Variants in WWOX observed in about 807,000 individuals in gnomAD.
WWOX encodes WW domain containing oxidoreductase.
WWOX carries 69 observed loss-of-function variants against 46.2 expected under a neutral mutation model. The ratio of observed to expected loss-of-function variants is 1.49; its 90% CI spans 1.23 to 1.82. The LOEUF is 1.82. Among genes scored for constraint, WWOX ranks in the 40% most tolerant of loss-of-function variants. The pLI, the probability that WWOX is intolerant of heterozygous loss-of-function variation, is 0.00. For synonymous variants in WWOX, 359 were observed against 202.6 expected, an observed-to-expected ratio of 1.77 and a Z score of -6.56; for missense variants, 919 against 542.6, an observed-to-expected ratio of 1.69 and a Z score of -6.89.
intron 8 of WWOX, among the ~76,000 whole-genome samples, chr16:78,782,226 G>A (rs1173361561): frequency 6.6e-6 from 1 of 152,090 alleles, no homozygotes; most frequent in Non-Finnish European, 1.5e-5. Flanking sequence ...TGACCCCACT[G>A]GACTTCTCTG....
At chr16:78,750,439 T>C (rs2142447555) in intron 8 of WWOX, among the ~76,000 whole-genome samples, 1 of 152,350 alleles carries the variant, frequency 6.6e-6, no homozygotes. Context: ...ACAGTGCTGT[T>C]TCATTTATTT....
chr16:78,332,460 C>G (rs1354371338), intron 5 of WWOX, among the ~76,000 whole-genome samples: 4 of 152,158 alleles, frequency 2.6e-5, no homozygotes, highest in South Asian at 2.1e-4. Flanking sequence ...AATTCCTGCA[C>G]TAACAAGGTA....
intron 8 of WWOX, among the ~76,000 whole-genome samples, chr16:79,013,857 C>T (rs1027560348): frequency 4.6e-5 from 7 of 152,154 alleles, no homozygotes; most frequent in South Asian, 2.1e-4. Context: ...TCTCGCTCTG[C>T]CGCCCTCCCA....
intron 8 of WWOX, among the ~76,000 whole-genome samples, chr16:78,820,865 C>G (rs1022987634): frequency 8.5e-5 from 13 of 152,124 alleles, no homozygotes; most frequent in African/African-American, 3.1e-4. Flanking sequence ...GCTGGCAATT[C>G]TTGATGTCCC....
intron 8 of WWOX, among the ~76,000 whole-genome samples, chr16:78,947,015 CTT>C (rs2045962182): frequency 6.6e-6 from 1 of 150,914 alleles, no homozygotes; most frequent in African/African-American, 2.4e-5. Flanking sequence ...CCCCCTCAGT[CTT>C]GTCTCTGCCT....
chr16:78,170,222 A>C (rs561892559), intron 5 of WWOX, among the ~76,000 whole-genome samples: 1 of 152,308 alleles, frequency 6.6e-6, no homozygotes. Context: ...GCTGTATTAT[A>C]GTGGCAAAGA....
intron 8 of WWOX, among the ~76,000 whole-genome samples, chr16:78,893,587 A>T (rs1196195877): frequency 1.3e-5 from 2 of 152,076 alleles, no homozygotes; most frequent in Non-Finnish European, 2.9e-5. Context: ...CATGGCTGCC[A>T]TTTTAATTTT....
chr16:79,091,652 A>T (rs767973427), intron 8 of WWOX, among the ~76,000 whole-genome samples: 1 of 152,140 alleles, frequency 6.6e-6, no homozygotes, highest in Non-Finnish European at 1.5e-5. Context: ...AGAAGCTCCT[A>T]CTGACTCAAG....
At position 78,318,566 on chromosome 16, in the gene WWOX, C is replaced by T. The variant is rs542734523; in HGVS notation, c.517-68294C>T. ...ATTTAGGCACACAGTACTTGGATTC[C>T]AGTAGCTTTGGATAAATTAATAAAA... On this transcript the variant is annotated intron_variant, in intron 5 of 8. Transcript: ENST00000566780. Among the ~76,000 whole-genome samples, 7 of 152,070 alleles carry T rather than the reference C, an allele frequency of 4.6e-5. No individual in the cohort carries two copies. The South Asian group carries it at 1.2e-3, about 27-fold the overall frequency.
At chr16:79,209,582 C>G (rs1353897648) in intron 8 of WWOX, among the ~76,000 whole-genome samples, 3 of 152,178 alleles carry the variant, frequency 2.0e-5, no homozygotes, top group Non-Finnish European at 4.4e-5. Context: ...TGGCAAGTCA[C>G]TTGGCCACTC....
intron 8 of WWOX, among the ~76,000 whole-genome samples, chr16:79,015,720 T>A (rs1035250563): frequency 3.3e-5 from 5 of 152,196 alleles, no homozygotes; most frequent in East Asian, 1.9e-4. Context: ...ATGGGCTGTT[T>A]CGTCTCTGAT....
chr16:79,186,774 C>G (rs949129765), intron 8 of WWOX, among the ~76,000 whole-genome samples: 3 of 152,086 alleles, frequency 2.0e-5, no homozygotes, highest in African/African-American at 7.2e-5. Flanking sequence ...CTCCAATCCT[C>G]ACGCTAGCAT....
rs2151377272 is a variant in WWOX, at chr16:79,011,965, C to T, written c.1057-199643C>T. Among the ~76,000 whole-genome samples, 2 of 152,234 alleles carry T rather than the reference C, an allele frequency of 1.3e-5. 1 individual carries two copies. The highest frequency in any genetic ancestry group is 2.9e-5 in the Non-Finnish European group (2 of 68,004). On this transcript the variant is annotated intron_variant, in intron 8 of 8. Transcript: ENST00000566780. ...CACTGTGCCTGGCCTCTGTCAACTT[C>T]CTTATCTAGAACTATCTTTTTCCTC...
intron 8 of WWOX, among the ~76,000 whole-genome samples, chr16:79,125,160 T>A (rs2049724668): frequency 6.6e-6 from 1 of 152,106 alleles, no homozygotes; most frequent in African/African-American, 2.4e-5. Flanking sequence ...GAATTCAGAA[T>A]GATGAATATT....
intron 8 of WWOX, among the ~76,000 whole-genome samples, chr16:79,150,493 C>T (rs897991933): frequency 1.3e-5 from 2 of 152,096 alleles, no homozygotes; most frequent in Non-Finnish European, 2.9e-5. Context: ...ATAGGGAAGA[C>T]AGGAGAAAGT....
At chr16:78,104,932 G>T (rs913826654) in intron 1 of WWOX, among the ~76,000 whole-genome samples, 2 of 152,178 alleles carry the variant, frequency 1.3e-5, no homozygotes, top group African/African-American at 2.4e-5. Flanking sequence ...TTCTTCAAGG[G>T]CAGAGTGGCT....
chr16:78,949,879 C>G (rs554154423), intron 8 of WWOX, among the ~76,000 whole-genome samples: 22 of 152,346 alleles, frequency 1.4e-4, no homozygotes, highest in African/African-American at 5.0e-4. Context: ...GCTCTCAGCC[C>G]TACTTTCTTA....
In WWOX at chr16:78,715,482, G is replaced by A. The variant is rs566608368; in HGVS notation, c.1056+282730G>A. On this transcript the variant is annotated intron_variant, in intron 8 of 8. Coordinates refer to ENST00000566780, the MANE Select transcript of WWOX (RefSeq NM_016373.4). The stretch of plus-strand genomic sequence containing the variant: ...CACCCCACCCCCACCCCTACCCACC[G>A]TTTTTTGTTTTTGTTTTTTAAGATG... Among the ~76,000 whole-genome samples, 9 of 98,974 alleles carry A rather than the reference G, an allele frequency of 9.1e-5. No individual in the cohort carries two copies. In the South Asian group the frequency reaches 2.4e-3, roughly 26 times the overall value. 64.9% of individuals were successfully genotyped at this position (98,974 alleles called of 152,430 possible).
intron 8 of WWOX, chr16:78,896,824 T>G (rs1296143622): frequency 6.6e-6 from 1 of 152,106 alleles, no homozygotes; most frequent in African/African-American, 2.4e-5. Flanking sequence ...AGACATAATT[T>G]ACATAATTTA....
Sources: allele counts gnomAD v4.1 joint callset (sites outside exome capture counted in the v4.1 genomes callset), GRCh38; gene constraint gnomAD v4.1.1; transcripts MANE v1.5; gene names NCBI Gene and HGNC (gene_info 2026-07-23, HGNC 2026-07-21).